ANKRD6: variants seen among roughly 807,000 people sequenced by gnomAD.
The protein encoded by ANKRD6 is ankyrin repeat domain 6, also known as ankyrin repeat domain-containing protein 6.
A neutral mutation model predicts 82.3 loss-of-function variants in ANKRD6; 56 were observed. The observed-to-expected ratio is 0.68, with a 90% CI of 0.55 to 0.85. ANKRD6 has a LOEUF of 0.85. ANKRD6 is among the 40% of genes least tolerant of loss of function. The probability of loss-of-function intolerance (pLI) is 0.00; values close to 1 mark genes in which losing one functional copy is unlikely to be tolerated. For synonymous variants in ANKRD6, 347 were observed against 352.1 expected (o/e 0.99, Z 0.16); for missense variants, 852 against 907.6 (o/e 0.94, Z 0.79).
intron 14 of ANKRD6, chr6:89,628,875 A>G: frequency 2.0e-6 from 1 of 497,870 alleles, no homozygotes; most frequent in East Asian, 3.8e-5. Context: ...CTTGACACAA[A>G]CACCTCCCAT....
At chr6:89,593,211 C>T (rs1795237347) in intron 2 of ANKRD6, among the ~76,000 whole-genome samples, 3 of 152,242 alleles carry the variant, frequency 2.0e-5, no homozygotes, top group South Asian at 4.1e-4. Context: ...TCATAGCACA[C>T]ACTTCTCTGT....
chr6:89,555,286 T>C (rs976472642), intron 1 of ANKRD6, among the ~76,000 whole-genome samples: 2 of 151,854 alleles, frequency 1.3e-5, no homozygotes, highest in African/African-American at 4.8e-5. Context: ...ACTTAGAATA[T>C]AAGAAGAGAG....
chr6:89,555,206 C>G (rs1786430424), intron 1 of ANKRD6, among the ~76,000 whole-genome samples: 1 of 149,296 alleles, frequency 6.7e-6, no homozygotes, highest in Non-Finnish European at 1.5e-5. Context: ...AAGTCTACAT[C>G]CTAAAGCCCA....
At chr6:89,613,005 C>T (rs939699003) in intron 6 of ANKRD6, among the ~76,000 whole-genome samples, 9 of 152,228 alleles carry the variant, frequency 5.9e-5, no homozygotes, top group African/African-American at 1.9e-4. Context: ...CTCTGAACCT[C>T]AGCTTTGAGC....
intron 1 of ANKRD6, among the ~76,000 whole-genome samples, chr6:89,470,694 G>C (rs1454280382): frequency 6.6e-6 from 1 of 151,560 alleles, no homozygotes; most frequent in African/African-American, 2.4e-5. Flanking sequence ...GTTTTGTTTT[G>C]TTTTGTTTTT....
intron 1 of ANKRD6, among the ~76,000 whole-genome samples, chr6:89,456,986 T>A (rs552637584): frequency 3.3e-5 from 5 of 152,324 alleles, no homozygotes; most frequent in Admixed American, 3.3e-4. Flanking sequence ...TAAAGGCAAT[T>A]GCAGTCACAT....
intron 4 of ANKRD6, among the ~76,000 whole-genome samples, chr6:89,603,862 G>C (rs558931755): frequency 6.6e-6 from 1 of 152,132 alleles, no homozygotes; most frequent in African/African-American, 2.4e-5. Context: ...TTAGCAAGGC[G>C]TGGTAGTGTA....
chr6:89,562,669 C>G (rs939893338), intron 1 of ANKRD6: 1 of 152,154 alleles, frequency 6.6e-6, no homozygotes, highest in Non-Finnish European at 1.5e-5. Flanking sequence ...GACTAGCAAG[C>G]CACAAAACAT....
At chr6:89,440,412 G>C (rs2127934569) in intron 1 of ANKRD6, among the ~76,000 whole-genome samples, 1 of 152,314 alleles carries the variant, frequency 6.6e-6, no homozygotes, top group Non-Finnish European at 1.5e-5. Flanking sequence ...TCTCTAGGCT[G>C]TTAAGGACCT....
chr6:89,586,557 C>T (rs1454419051), intron 2 of ANKRD6, among the ~76,000 whole-genome samples: 1 of 151,994 alleles, frequency 6.6e-6, no homozygotes, highest in Non-Finnish European at 1.5e-5. Flanking sequence ...CGTGGTGTCA[C>T]ATGCCTGTAA....
chr6:89,543,029 T>C (rs1478995024), intron 1 of ANKRD6, among the ~76,000 whole-genome samples: 1 of 152,224 alleles, frequency 6.6e-6, no homozygotes, highest in African/African-American at 2.4e-5. Context: ...GCCAAATGTC[T>C]GTTTGTTCTT....
At chr6:89,567,178 G>T (rs1788712158) in intron 2 of ANKRD6, 82 bp downstream of exon 2, 1 of 1,492,982 alleles carries the variant, frequency 6.7e-7, no homozygotes, top group Non-Finnish European at 9.0e-7. Context: ...TGCTGTGTTT[G>T]GTTCACAGCT....
intron 11 of ANKRD6, 57 bp from the exon 12 acceptor site, chr6:89,623,815 G>C (rs963117225): frequency 2.6e-6 from 4 of 1,533,980 alleles, no homozygotes; most frequent in African/African-American, 2.8e-5. Flanking sequence ...CCACCGACTG[G>C]TGTCAGTCTT....
intron 1 of ANKRD6, among the ~76,000 whole-genome samples, chr6:89,563,861 A>G (rs1787915735): frequency 6.6e-6 from 1 of 152,206 alleles, no homozygotes; most frequent in African/African-American, 2.4e-5. Context: ...ACTTAGGAAC[A>G]GTGACCATGA....
At chr6:89,593,570 T>C (rs980452599) in intron 2 of ANKRD6, among the ~76,000 whole-genome samples, 9 of 152,212 alleles carry the variant, frequency 5.9e-5, no homozygotes, top group Non-Finnish European at 1.2e-4. Flanking sequence ...TTGGTCACAT[T>C]TCATGGGGAG....
chr6:89,480,198 C>T lies in ANKRD6; in HGVS notation c.-144+46823C>T, dbSNP rs552822710. Among the ~76,000 whole-genome samples the T allele has an allele frequency of 4.6e-5, 7 of 152,222 alleles. No individual in the cohort carries two copies. The South Asian group carries it at 1.2e-3, about 27-fold the overall frequency. On this transcript the variant is annotated intron_variant, in intron 1 of 15. Transcript: ENST00000339746. ...GTTGTCTGTCTGAAAGGTAACTATC[C>T]CAGAAGATCAGCCTTCCAAGTGAGC...
Position 89,630,444 on chromosome 6 carries a change from TTAG to T in ANKRD6, c.1626_1628del (p.Val544del), listed in dbSNP as rs1174165639. 2 of 1,612,102 alleles carry T rather than the reference TTAG, an allele frequency of 1.2e-6. No homozygotes were observed. The highest frequency in any genetic ancestry group is 2.7e-5 in the African/African-American group (2 of 74,976). On this transcript the variant is annotated inframe_deletion, in exon 16 of 16. Transcript: ENST00000339746. ...CCTTCTGAAACCAGGTGTGGACCAA[TTAG>T]TGGTGACTGCAGGTCCAGCAGCAGC... is the stretch of plus-strand genomic sequence containing the variant.
Position 89,633,606 on chromosome 6 carries a change from A to T in ANKRD6, c.*2602A>T, listed in dbSNP as rs1482768797. On this transcript the variant is annotated 3_prime_UTR_variant, in exon 16 of 16. Coordinates refer to ENST00000339746, the MANE Select transcript of ANKRD6 (RefSeq NM_001242809.2). ...TGTTAGTGCATTATTGAGTATACTA[A>T]ATATCTGTGATTAAATAAATTAGTT... is the stretch of plus-strand genomic sequence containing the variant. 3 of 152,194 alleles carry T rather than the reference A, an allele frequency of 2.0e-5. No individual in the cohort carries two copies. Among genetic ancestry groups the T allele is most frequent in the Non-Finnish European group, 4.4e-5 (3 of 68,024 alleles). The allele number at this position is 152,194 out of a possible 1,614,324, so 9.4% of individuals were successfully genotyped here.
At chr6:89,474,487 G>A (rs1380031665) in intron 1 of ANKRD6, among the ~76,000 whole-genome samples, 1 of 152,090 alleles carries the variant, frequency 6.6e-6, no homozygotes, top group Admixed American at 6.6e-5. Context: ...GCGGGATCTC[G>A]GCTCACTGCA....
Sources: allele counts gnomAD v4.1 joint callset (sites outside exome capture counted in the v4.1 genomes callset), GRCh38; gene constraint gnomAD v4.1.1; transcripts MANE v1.5; gene names NCBI Gene and HGNC (gene_info 2026-07-23, HGNC 2026-07-21).